PARP1: variants seen among roughly 807,000 people sequenced by gnomAD.
PARP1 encodes poly(ADP-ribose) polymerase 1, also known as poly [ADP-ribose] polymerase 1.
In PARP1, 44 loss-of-function variants were observed where a neutral mutation model predicts 118.7. The ratio of observed to expected loss-of-function variants is 0.37; its 90% CI spans 0.29 to 0.48. The LOEUF (loss-of-function observed/expected upper bound fraction) is 0.48, where lower values mean the gene tolerates loss of function less well. Ranked by LOEUF, PARP1 falls within the 20% of genes least tolerant of loss-of-function variation. PARP1 has a pLI of 0.99. For missense variants in PARP1, 1,100 were observed against 1,272.4 expected (o/e 0.86, Z 2.06); for synonymous variants, 492 against 483.2 (o/e 1.02, Z -0.24).
intron 16 of PARP1, 135 bp downstream of exon 16, chr1:226,368,064 C>G: frequency 7.8e-7 from 1 of 1,285,914 alleles, no homozygotes; most frequent in Non-Finnish European, 1.1e-6. Flanking sequence ...AGAAACCCAA[C>G]TTCAAAACAA....
At chr1:226,362,360 T>C (rs1664162320) in intron 21 of PARP1, 4 of 409,382 alleles carry the variant, frequency 9.8e-6, no homozygotes, top group African/African-American at 4.1e-5. Context: ...TAATTTTCTG[T>C]ATTTTAGTAG....
In PARP1 at chr1:226,379,157, T is replaced by A; in HGVS notation, c.1730A>T (p.Asp577Val). 6.2e-7 allele frequency: 1 copy of A among 1,614,228 alleles called. No homozygotes were observed. The highest frequency in any genetic ancestry group is 1.1e-5 in the South Asian group (1 of 91,086). ...CAGAACTCACCTGTTTTCCTTGTCG[T>A]CCTCCAGAAGCTGCAGCTTGTAGTA... ...NSYYKLQLLE[D>V]DKENRYWIFR... Residue 577 changes from aspartate (D) to valine (V), a missense_variant, in exon 12 of 23, where the codon GAC becomes GTC. Asp to Val is a radical substitution (Grantham distance 152, BLOSUM62 -3). Around this residue, in one of 2 missense-constraint regions of PARP1, gnomAD observed 948 missense variants for 1,031.8 expected, o/e 0.92. Coordinates refer to ENST00000366794, the MANE Select transcript of PARP1 (RefSeq NM_001618.4).
chr1:226,364,568 GGTCCT>G (rs768624010), intron 19 of PARP1, among the ~76,000 whole-genome samples: 1 of 152,218 alleles, frequency 6.6e-6, no homozygotes, highest in Non-Finnish European at 1.5e-5. Context: ...AGGCTTAGAA[GGTCCT>G]GTCCAGGTGG....
intron 1 of PARP1, 142 bp downstream of exon 1, chr1:226,407,668 G>T (rs1170144089): frequency 2.7e-6 from 2 of 748,560 alleles, no homozygotes; most frequent in African/African-American, 1.9e-5. Flanking sequence ...GAGGAGGGGC[G>T]GCCGCGGCCC....
chr1:226,403,497 G>C (rs1164979568), intron 1 of PARP1, among the ~76,000 whole-genome samples: 1 of 152,214 alleles, frequency 6.6e-6, no homozygotes, highest in Non-Finnish European at 1.5e-5. Context: ...CAGAGTGGAC[G>C]GTGACAGCGA....
chr1:226,405,933 T>C lies in PARP1; in HGVS notation c.120+1877A>G, dbSNP rs115289291. On this transcript the variant is annotated intron_variant, in intron 1 of 22. Transcript: ENST00000366794. ...GAGTTTGAGACCAGCCTGGGCAACA[T>C]AGTGAGACCCCATCTCAAAAAACAA... 3.6e-3 allele frequency among the ~76,000 whole-genome samples: 547 copies of C among 152,148 alleles called. 2 individuals are homozygous for C. The highest frequency in any genetic ancestry group is 0.012 in the African/African-American group (500 of 41,502).
chr1:226,401,319 C>A (rs550287071), intron 2 of PARP1, among the ~76,000 whole-genome samples: 22 of 152,328 alleles, frequency 1.4e-4, no homozygotes, highest in African/African-American at 5.3e-4. Flanking sequence ...AGTGTTATGG[C>A]TCTGTGACTG....
chr1:226,368,073 A>G, intron 16 of PARP1, 126 bp downstream of exon 16: 1 of 1,348,138 alleles, frequency 7.4e-7, no homozygotes, highest in Non-Finnish European at 1.1e-6. Context: ...ACTTCAAAAC[A>G]AGGGCAAGAG....
intron 2 of PARP1, among the ~76,000 whole-genome samples, chr1:226,397,931 C>A (rs899757037): frequency 2.0e-5 from 3 of 148,288 alleles, no homozygotes; most frequent in Admixed American, 6.8e-5. Context: ...TTTCAACAAA[C>A]GGAGCTGTAA....
At chr1:226,364,877 G>T in intron 19 of PARP1, 125 bp downstream of exon 19, 2 of 1,076,426 alleles carry the variant, frequency 1.9e-6, no homozygotes, top group Non-Finnish European at 2.8e-6. Flanking sequence ...ATAAAAGGGT[G>T]AAGGCCCAAA....
At position 226,392,274 on chromosome 1, in the gene PARP1, A is replaced by G; in HGVS notation, c.327T>C (p.Thr109=). The G allele has an allele frequency of 6.2e-7, 1 of 1,614,082 alleles. No homozygotes were observed. The highest frequency in any genetic ancestry group is 1.1e-5 in the South Asian group (1 of 91,080). Residue 109 remains threonine, a synonymous_variant, in exon 3 of 23, where the codon ACT becomes ACC. Transcript: ENST00000366794. ...CATACTCTGCTGCAAAGTCACCCAG[A>G]GTCTTCTCTGCCTTGCTACCAATTC... is the stretch of plus-strand genomic sequence containing the variant. ...QDGIGSKAEK[T]LGDFAAEYAK...
chr1:226,365,188 A>C, intron 18 of PARP1, 34 bp from the exon 19 acceptor site: 2 of 1,612,460 alleles, frequency 1.2e-6, no homozygotes, highest in Non-Finnish European at 1.7e-6. Flanking sequence ...GAAGGACAAA[A>C]GAAGCCATTT....
chr1:226,381,864 T>G (rs1248599807), intron 8 of PARP1, among the ~76,000 whole-genome samples: 2 of 152,186 alleles, frequency 1.3e-5, no homozygotes, highest in Non-Finnish European at 1.5e-5. Context: ...GCCTTCCCTG[T>G]GAGGGCAAAC....
intron 2 of PARP1, 25 bp from the exon 3 acceptor site, chr1:226,392,339 GCTCAT>G: frequency 6.5e-7 from 1 of 1,547,034 alleles, no homozygotes; most frequent in Non-Finnish European, 8.9e-7. Flanking sequence ...AGACAGCAAT[GCTCAT>G]CTCAACAGCC....
At chr1:226,386,584 CA>C in intron 5 of PARP1, 142 bp from the exon 6 acceptor site, 1 of 746,776 alleles carries the variant, frequency 1.3e-6, no homozygotes, top group Non-Finnish European at 2.5e-6. Context: ...GTGATTAGCA[CA>C]GGATTTGACT....
In PARP1 at chr1:226,368,188, C is replaced by G. The variant is rs1454848666; in HGVS notation, c.2277+11G>C. The G allele has an allele frequency of 6.2e-7, 1 of 1,614,102 alleles. No homozygotes were observed. Among genetic ancestry groups the G allele is most frequent in the Admixed American group, 1.7e-5 (1 of 60,018 alleles). On this transcript the variant is annotated intron_variant, in intron 16 of 22. Transcript: ENST00000366794. ...AGCAGACCTGCAGTCCCTTCTGAAC[C>G]CTTGCGCTACCTGCACACTGTCTGC...
chr1:226,386,276 G>A (rs1261021922), intron 6 of PARP1, 50 bp downstream of exon 6: 12 of 1,095,154 alleles, frequency 1.1e-5, no homozygotes, highest in South Asian at 2.5e-5. Context: ...ACTCCACAAC[G>A]ACGGGGTCGG....
At position 226,394,622 on chromosome 1, in the gene PARP1, A is replaced by G. The variant is rs79438669; in HGVS notation, c.287-2308T>C. On this transcript the variant is annotated intron_variant, in intron 2 of 22. Coordinates refer to ENST00000366794, the MANE Select transcript of PARP1 (RefSeq NM_001618.4). Reference sequence around the variant, plus strand: ...TAAAAGGTTAAAATTCTAGTCTCAAAGAAAGACAGGGCTGGGTGCGGTAGC... The same window carrying G: ...TAAAAGGTTAAAATTCTAGTCTCAAGGAAAGACAGGGCTGGGTGCGGTAGC... 4.5e-3 allele frequency among the ~76,000 whole-genome samples: 693 copies of G among 152,326 alleles called. 27 individuals carry two copies. The South Asian group carries it at 0.084, about 18-fold the overall frequency.
intron 13 of PARP1, among the ~76,000 whole-genome samples, chr1:226,375,343 GACA>G (rs996328010): frequency 7.2e-5 from 11 of 152,128 alleles, no homozygotes; most frequent in African/African-American, 2.7e-4. Flanking sequence ...TACTTGTAAT[GACA>G]ACAATCACAG....
Sources: gnomAD v4.1 joint callset for allele counts (sites outside exome capture counted in the v4.1 genomes callset) on GRCh38, gnomAD v4.1.1 for gene constraint, gnomAD v4.1.1 regional missense constraint, MANE v1.5 for transcripts, NCBI Gene and HGNC (gene_info 2026-07-23, HGNC 2026-07-21) for gene names.